NCKAP5: variants seen among roughly 807,000 people sequenced by gnomAD.
NCKAP5 encodes the protein NCK associated protein 5.
A neutral mutation model predicts 167.0 loss-of-function variants in NCKAP5; 92 were observed. That is an observed-to-expected ratio of 0.55 (90% CI 0.47 to 0.66). NCKAP5 has a LOEUF of 0.66. NCKAP5 is among the 30% of genes least tolerant of loss of function. The probability of loss-of-function intolerance (pLI) is 0.00; values close to 1 mark genes in which losing one functional copy is unlikely to be tolerated. For synonymous variants in NCKAP5, 891 were observed against 877.4 expected (o/e 1.02, Z -0.27); for missense variants, 2,378 against 2,315.0 (o/e 1.03, Z -0.56).
chr2:133,048,206 T>C (rs561699972), intron 6 of NCKAP5, among the ~76,000 whole-genome samples: 3 of 152,250 alleles, frequency 2.0e-5, no homozygotes, highest in Admixed American at 6.5e-5. Flanking sequence ...TGGATTGGAC[T>C]GGGGGAACCT....
chr2:132,712,082 A>G (rs1688897663), intron 19 of NCKAP5, among the ~76,000 whole-genome samples: 4 of 152,130 alleles, frequency 2.6e-5, no homozygotes, highest in Admixed American at 2.6e-4. Context: ...GCACACACAG[A>G]TCACACCCAC....
Position 132,789,661 on chromosome 2 carries a change from T to A in NCKAP5, c.1092+362A>T, listed in dbSNP as rs145404026. ...CCTTACATCAGTGTACAAAGACGTCTGCTCAAAGCACAAAGGTATCTCCAG... is the reference window on the plus strand; with the variant it reads ...CCTTACATCAGTGTACAAAGACGTCAGCTCAAAGCACAAAGGTATCTCCAG... On this transcript the variant is annotated intron_variant, in intron 13 of 19. Coordinates refer to ENST00000409261, the MANE Select transcript of NCKAP5 (RefSeq NM_207363.3). 3.6e-3 allele frequency among the ~76,000 whole-genome samples: 554 copies of A among 152,340 alleles called. 1 individual carries two copies. The highest frequency in any genetic ancestry group is 0.012 in the African/African-American group (489 of 41,580).
At position 132,785,405 on chromosome 2, in the gene NCKAP5, A is replaced by G. The variant is rs1297571826; in HGVS notation, c.1406T>C (p.Val469Ala). 2 of 1,613,966 alleles carry G rather than the reference A, an allele frequency of 1.2e-6. No individual in the cohort carries two copies. The highest frequency in any genetic ancestry group is 2.2e-5 in the South Asian group (2 of 91,082). ...SPCKEPHKTF[V>A]YDLDSHVDAD... The stretch of plus-strand genomic sequence containing the variant: ...ATCAACGTGGGAATCTAGATCATAA[A>G]CAAATGTCTTGTGGGGTTCCTTGCA... Residue 469 changes from valine (V) to alanine (A), a missense_variant, in exon 14 of 20, where the codon GTT (valine) becomes GCT (alanine). Around this residue, in one of 3 missense-constraint regions of NCKAP5, gnomAD observed 1,049 missense variants for 1,023.4 expected, o/e 1.02. Coordinates refer to ENST00000409261, the MANE Select transcript of NCKAP5 (RefSeq NM_207363.3).
chr2:132,759,395 T>C (rs1680815043), intron 16 of NCKAP5, among the ~76,000 whole-genome samples: 1 of 152,170 alleles, frequency 6.6e-6, no homozygotes, highest in Non-Finnish European at 1.5e-5. Context: ...TCCACAGTAA[T>C]ACATTATTTT....
At chr2:133,309,989 G>A (rs1681115578) in intron 3 of NCKAP5, among the ~76,000 whole-genome samples, 1 of 152,076 alleles carries the variant, frequency 6.6e-6, no homozygotes, top group Non-Finnish European at 1.5e-5. Flanking sequence ...TTCACCTTTG[G>A]GCAAAGCAGC....
chr2:133,138,778 G>A (rs1293168186), intron 5 of NCKAP5, among the ~76,000 whole-genome samples: 1 of 152,112 alleles, frequency 6.6e-6, no homozygotes, highest in Admixed American at 6.6e-5. Context: ...CCAGTTCTAC[G>A]CCTAACTCAC....
intron 5 of NCKAP5, among the ~76,000 whole-genome samples, chr2:133,209,958 A>G (rs1430865410): frequency 6.6e-6 from 1 of 152,036 alleles, no homozygotes; most frequent in Non-Finnish European, 1.5e-5. Flanking sequence ...TGAGGTCAGG[A>G]GTTCGAAACC....
intron 6 of NCKAP5, among the ~76,000 whole-genome samples, chr2:133,101,343 T>C (rs1000154860): frequency 3.6e-5 from 5 of 140,156 alleles, no homozygotes; most frequent in Admixed American, 2.9e-4. Flanking sequence ...GTGCGATGCC[T>C]CCAGCTTTGT....
At chr2:133,319,758 G>T (rs1269931650) in intron 3 of NCKAP5, among the ~76,000 whole-genome samples, 1 of 152,126 alleles carries the variant, frequency 6.6e-6, no homozygotes. Flanking sequence ...ACTATGATGA[G>T]GTTGTTAAAG....
intron 2 of NCKAP5, among the ~76,000 whole-genome samples, chr2:133,537,149 G>C (rs1256719712): frequency 6.6e-6 from 1 of 152,038 alleles, no homozygotes; most frequent in South Asian, 2.1e-4. Context: ...TTCTCTACCT[G>C]TGATGTATAT....
chr2:132,986,795 A>G (rs1291233965), intron 7 of NCKAP5, among the ~76,000 whole-genome samples: 2 of 152,192 alleles, frequency 1.3e-5, no homozygotes, highest in Non-Finnish European at 2.9e-5. Context: ...CAAGGAAAGA[A>G]GGAAGTTGTA....
the NCKAP5 span, among the ~76,000 whole-genome samples, chr2:133,591,985 T>G: frequency 1.3e-5 from 2 of 152,166 alleles, no homozygotes; most frequent in Non-Finnish European, 1.5e-5. Context: ...CTCTTGTATG[T>G]CCTTCCAGAA....
chr2:133,329,898 G>C (rs577187345), intron 3 of NCKAP5, among the ~76,000 whole-genome samples: 12 of 152,104 alleles, frequency 7.9e-5, no homozygotes, highest in Non-Finnish European at 1.6e-4. Context: ...CTTCTGGTTT[G>C]TGAGGAATCT....
chr2:132,926,175 A>AGACAG, intron 8 of NCKAP5: 1 of 384,850 alleles, frequency 2.6e-6, no homozygotes, highest in South Asian at 2.1e-5. Flanking sequence ...TATTTCTCTT[A>AGACAG]GGATAATGGC....
chr2:132,991,323 T>C (rs1307581999), intron 7 of NCKAP5, among the ~76,000 whole-genome samples: 3 of 152,124 alleles, frequency 2.0e-5, no homozygotes, highest in Non-Finnish European at 4.4e-5. Context: ...ATGTTATTAA[T>C]GTCACTTCAT....
chr2:133,606,438 C>T, the NCKAP5 span, among the ~76,000 whole-genome samples: 1 of 152,144 alleles, frequency 6.6e-6, no homozygotes, highest in African/African-American at 2.4e-5. Context: ...TAGGAGGAAG[C>T]TCGTGTGGAC....
intron 3 of NCKAP5, among the ~76,000 whole-genome samples, chr2:133,410,492 A>G (rs1688707584): frequency 6.6e-6 from 1 of 152,212 alleles, no homozygotes. Context: ...AGGAAAATTA[A>G]TTGTCATGTA....
At chr2:132,780,901 C>T (rs1006270290) in intron 15 of NCKAP5, 151 bp downstream of exon 15, 7 of 826,408 alleles carry the variant, frequency 8.5e-6, no homozygotes, top group South Asian at 2.0e-5. Flanking sequence ...ACCAGGATTT[C>T]GCTCTCTTTT....
intron 3 of NCKAP5, among the ~76,000 whole-genome samples, chr2:133,430,985 A>G (rs1690125455): frequency 6.6e-6 from 1 of 152,036 alleles, no homozygotes; most frequent in African/African-American, 2.4e-5. Flanking sequence ...TACTAGGAGA[A>G]AGGGGGAAAA....
Sources: gnomAD v4.1 joint callset for allele counts (sites outside exome capture counted in the v4.1 genomes callset) on GRCh38, gnomAD v4.1.1 for gene constraint, gnomAD v4.1.1 regional missense constraint, MANE v1.5 for transcripts, NCBI Gene and HGNC (gene_info 2026-07-23, HGNC 2026-07-21) for gene names.